The following TCHH variants were observed in gnomAD, a reference collection of about 807,000 sequenced individuals.
TCHH encodes trichohyalin.
A neutral mutation model predicts 6.3 loss-of-function variants in TCHH; 6 were observed. That is an observed-to-expected ratio of 0.95 (90% confidence interval 0.52 to 1.88). The LOEUF is 1.88. Ranked by LOEUF, TCHH falls within the 40% of genes most tolerant of loss-of-function variation. TCHH has a pLI of 0.01. For synonymous variants in TCHH, 1,087 were observed against 963.6 expected, an observed-to-expected ratio of 1.13 and a Z score of -2.37; for missense variants, 2,920 against 2,449.1, an observed-to-expected ratio of 1.19 and a Z score of -4.06.
Position 152,110,536 on chromosome 1 carries a change from G to A in TCHH, c.2681C>T (p.Ala894Val). 6.2e-7 allele frequency: 1 copy of A among 1,613,982 alleles called. No homozygotes were observed. The highest frequency in any genetic ancestry group is 8.5e-7 in the Non-Finnish European group (1 of 1,179,994). Residue 894 changes from alanine to valine, a missense_variant, in exon 3 of 3, where the codon GCC (alanine) becomes GTC (valine). Coordinates refer to ENST00000614923, the MANE Select transcript of TCHH (RefSeq NM_007113.4). Reference sequence around the variant, plus strand: ...TTCCTTCCTCAGCTGCTCTTGTAGGGCTGGCTTGGCGTACAGCGTGTGGCG... The same window carrying A: ...TTCCTTCCTCAGCTGCTCTTGTAGGACTGGCTTGGCGTACAGCGTGTGGCG... ...RRRHTLYAKP[A>V]LQEQLRKEQQ...
rs753219535 is a variant in TCHH, at chr1:152,110,045, G to C, written c.3172C>G (p.Gln1058Glu). 14 of 1,607,538 alleles carry C rather than the reference G, an allele frequency of 8.7e-6. No individual in the cohort carries two copies. The highest frequency in any genetic ancestry group is 1.2e-5 in the Non-Finnish European group (14 of 1,177,646). ...TCTCCCAGCAGCTGCTCTTCCTCCT[G>C]CTGCAGCTCCTCTTCCTCCCGATAT... is the stretch of plus-strand genomic sequence containing the variant. ...RQYREEEELQ[Q>E]EEEQLLGEER... The change falls in exon 3 of 3, where the codon CAG becomes GAG. Residue 1058 changes from glutamine to glutamate, a missense_variant. Gln to Glu is a conservative substitution (Grantham distance 29). Transcript: ENST00000614923.
chr1:152,113,238 T>C (rs986718913), intron 2 of TCHH, among the ~76,000 whole-genome samples, 160 bp from the exon 3 acceptor site: 2 of 152,206 alleles, frequency 1.3e-5, no homozygotes, highest in African/African-American at 4.8e-5. Flanking sequence ...CCATGTAAAA[T>C]GTGAACCCTC....
rs2101529184 is a variant in TCHH at position 152,110,582 on chromosome 1, C to T, written c.2635G>A (p.Glu879Lys). 6.2e-7 allele frequency: 1 copy of T among 1,614,106 alleles called. No homozygotes were observed. ...TGGCGGCGTCTCTTCCTTTCTTCTT[C>T]TAGTTGCCACCTCCATTTTTGGTCG... ...RRDQKWRWQL[E>K]EERKRRRHTL... The change falls in exon 3 of 3, where the codon GAA becomes AAA. Residue 879 changes from glutamate (E) to lysine (K), a missense_variant. Transcript: ENST00000614923.
chr1:152,111,213 G>C lies in TCHH; in HGVS notation c.2004C>G (p.Leu668=), dbSNP rs572360148. The C allele has an allele frequency of 6.2e-6, 10 of 1,605,824 alleles. No individual in the cohort carries two copies. In the Admixed American group the frequency reaches 6.8e-5, roughly 11 times the overall value. Reference sequence around the variant, plus strand: ...CATGCTCGCGCTTCAGCCGCTGCTCGAGCCTCTCTTCCTCCTCCTCGCGCT... The same window carrying C: ...CATGCTCGCGCTTCAGCCGCTGCTCCAGCCTCTCTTCCTCCTCCTCGCGCT... ...RLKREEEEER[L]EQRLKREHEE... The change falls in exon 3 of 3, where the codon CTC becomes CTG. Residue 668 remains leucine (L), a synonymous_variant. Coordinates refer to ENST00000614923, the MANE Select transcript of TCHH (RefSeq NM_007113.4).
Position 152,108,019 on chromosome 1 carries a change from T to C in TCHH, c.5198A>G (p.Gln1733Arg), listed in dbSNP as rs746689865. The C allele has an allele frequency of 6.2e-7, 1 of 1,612,572 alleles. No homozygotes were observed. The highest frequency in any genetic ancestry group is 8.5e-7 in the Non-Finnish European group (1 of 1,179,662). ...RKFREEEQLR[Q>R]ETEQEQLRRQ... Reference sequence around the variant, plus strand: ...GCGCAGCTGCTCTTGCTCCGTTTCTTGGCGCAGCTGTTCCTCCTCACGGAA... The same window carrying C: ...GCGCAGCTGCTCTTGCTCCGTTTCTCGGCGCAGCTGTTCCTCCTCACGGAA... The change falls in exon 3 of 3, where the codon CAA becomes CGA. Residue 1733 changes from glutamine to arginine, a missense_variant. Transcript: ENST00000614923.
rs1658173916 is a variant in TCHH at position 152,108,167 on chromosome 1, G to C, written c.5050C>G (p.Leu1684Val). ...QLLQEGEEQQ[L>V]RRQERDRKFR... The stretch of plus-strand genomic sequence containing the variant: ...TTTCTGTCACGCTCTTGGCGGCGCA[G>C]CTGCTGTTCCTCCCCTTCCTGGAGC... Residue 1684 changes from leucine to valine, a missense_variant, in exon 3 of 3, where the codon CTG becomes GTG. By Grantham distance (32) the Leu-to-Val change is conservative. Transcript: ENST00000614923. 3.1e-6 allele frequency: 5 copies of C among 1,613,478 alleles called. No homozygotes were observed. The East Asian group carries it at 1.1e-4, about 36-fold the overall frequency.
In TCHH at chr1:152,110,768, T is replaced by TCTC. The variant is rs769114949; in HGVS notation, c.2446_2448dup (p.Glu816dup). ...CGTCGCTGGCGGCGCCGCTGCTCCT[T>TCTC]CTCCTCCTCCTCCGGGAGAAACCGT... On this transcript the variant is annotated inframe_insertion, in exon 3 of 3. Transcript: ENST00000614923. 15 of 1,606,714 alleles carry TCTC rather than the reference T, an allele frequency of 9.3e-6. No individual in the cohort carries two copies. Among genetic ancestry groups the TCTC allele is most frequent in the Non-Finnish European group, 1.1e-5 (13 of 1,179,550 alleles).
chr1:152,108,603 C>CT lies in TCHH; in HGVS notation c.4613dup (p.Gln1539AlafsTer16). ...GCCCGCGCTCCTGGCGGCGCAGCTG[C>CT]TGTTCCTCCTGGAGGAATTTTCTCT... On this transcript the variant is annotated frameshift_variant, in exon 3 of 3. Transcript: ENST00000614923. LOFTEE classifies it low-confidence loss of function (END_TRUNC). 7.5e-6 allele frequency: 12 copies of CT among 1,600,842 alleles called. No individual in the cohort carries two copies. The highest frequency in any genetic ancestry group is 1.0e-5 in the Non-Finnish European group (12 of 1,174,870).
chr1:152,109,593 C>A lies in TCHH; in HGVS notation c.3624G>T (p.Gln1208His), dbSNP rs773691785. 1.2e-6 allele frequency: 2 copies of A among 1,614,226 alleles called. No individual in the cohort carries two copies. Among genetic ancestry groups the A allele is most frequent in the African/African-American group, 2.7e-5 (2 of 75,058 alleles). The change falls in exon 3 of 3, where the codon CAG becomes CAT. Residue 1208 changes from glutamine to histidine, a missense_variant. Transcript: ENST00000614923. ...QYREEEELQR[Q>H]KRKQRYRDED... Reference sequence around the variant, plus strand: ...CATCCCGGTATCGCTGCTTCCTTTTCTGGCGCTGAAGCTCTTCCTCCTCCC... The same window carrying A: ...CATCCCGGTATCGCTGCTTCCTTTTATGGCGCTGAAGCTCTTCCTCCTCCC...
rs1658122745 is a variant in TCHH at position 152,106,985 on chromosome 1, T to C, written c.*400A>G. The C allele has an allele frequency of 6.2e-6, 1 of 160,532 alleles. No individual in the cohort carries two copies. The highest frequency in any genetic ancestry group is 1.4e-5 in the Non-Finnish European group (1 of 73,730). 9.9% of individuals were successfully genotyped at this position (160,532 alleles called of 1,614,324 possible). ...TTGAACATTAAAAGTATCTGCACTT[T>C]CCACAAGATGGGTCAGTCATTAAAC... On this transcript the variant is annotated 3_prime_UTR_variant, in exon 3 of 3. Transcript: ENST00000614923.
Position 152,111,050 on chromosome 1 carries a change from GC to G in TCHH, c.2166del (p.Arg722SerfsTer77). On this transcript the variant is annotated frameshift_variant, in exon 3 of 3. Transcript: ENST00000614923. LOFTEE classifies it low-confidence loss of function (END_TRUNC). ...CGCCTCTGCCCTTCCTGCTTGCGGG[GC>G]CTCGAGTAGACTTTGCTTTGCCGTG... ...ADARQSKVYSRPRKQEGQRRR... is the reference protein window; with the variant it reads ...ADARQSKVYSXPRKQEGQRRR... The G allele has an allele frequency of 9.9e-6, 16 of 1,613,372 alleles. No homozygotes were observed. The highest frequency in any genetic ancestry group is 1.4e-5 in the Non-Finnish European group (16 of 1,179,984).
chr1:152,114,059 T>C lies in TCHH; in HGVS notation c.22A>G (p.Ile8Val). ...TTGAAAATTTCAGTGATGTCACAGA[T>C]GCTTCTCAGAAGTGGAGACATTTTT... MSPLLRS[I>V]CDITEIFNQY... The change falls in exon 2 of 3, where the codon ATC (isoleucine) becomes GTC (valine). Residue 8 changes from isoleucine (I) to valine (V), a missense_variant. Coordinates refer to ENST00000614923, the MANE Select transcript of TCHH (RefSeq NM_007113.4). The C allele has an allele frequency of 6.2e-7, 1 of 1,612,842 alleles. No individual in the cohort carries two copies. The highest frequency in any genetic ancestry group is 1.1e-5 in the South Asian group (1 of 90,660).
In TCHH at chr1:152,109,201, C is replaced by G; in HGVS notation, c.4016G>C (p.Arg1339Pro). 1.2e-6 allele frequency: 2 copies of G among 1,614,244 alleles called. No homozygotes were observed. The highest frequency in any genetic ancestry group is 1.7e-6 in the Non-Finnish European group (2 of 1,180,024). ...RRRQETDRKF[R>P]EEEQLLQERE... Reference sequence around the variant, plus strand: ...TTCCTGGAGCAGCTGTTCCTCCTCGCGGAATTTTCTGTCTGTCTCTTGACG... The same window carrying G: ...TTCCTGGAGCAGCTGTTCCTCCTCGGGGAATTTTCTGTCTGTCTCTTGACG... The change falls in exon 3 of 3, where the codon CGC (arginine) becomes CCC (proline). Residue 1339 changes from arginine to proline, a missense_variant. Coordinates refer to ENST00000614923, the MANE Select transcript of TCHH (RefSeq NM_007113.4).
chr1:152,112,442 T>G lies in TCHH; in HGVS notation c.775A>C (p.Lys259Gln). Residue 259 changes from lysine (K) to glutamine (Q), a missense_variant, in exon 3 of 3, where the codon AAG becomes CAG. By Grantham distance (53) the Lys-to-Gln change is moderately conservative. Coordinates refer to ENST00000614923, the MANE Select transcript of TCHH (RefSeq NM_007113.4). Reference sequence around the variant, plus strand: ...CGCTGCGGCTCCTCTTCCTGCAACTTCTCTTCTTCCTTCCGGAGCACTGTC... The same window carrying G: ...CGCTGCGGCTCCTCTTCCTGCAACTGCTCTTCTTCCTTCCGGAGCACTGTC... ...RETVLRKEEE[K>Q]LQEEEPQRQR... 2 of 1,613,434 alleles carry G rather than the reference T, an allele frequency of 1.2e-6. No individual in the cohort carries two copies. Among genetic ancestry groups the G allele is most frequent in the East Asian group, 4.5e-5 (2 of 44,818 alleles).
rs771658531 is a variant in TCHH, at chr1:152,111,389, GTC to G, written c.1826_1827del (p.Arg609ThrfsTer68). The G allele has an allele frequency of 1.3e-6, 2 of 1,599,652 alleles. No individual in the cohort carries two copies. The highest frequency in any genetic ancestry group is 8.5e-7 in the Non-Finnish European group (1 of 1,175,962). ...EQRLKREEVERLEQEERREQR... is the reference protein window; with the variant it reads ...EQRLKREEVEXLEQEERREQR... The stretch of plus-strand genomic sequence containing the variant: ...TGCTCGCGCCTCTCCTCCTGCTCGA[GTC>G]TCTCCACCTCCTCGCGCTTCAGTCG... On this transcript the variant is annotated frameshift_variant, in exon 3 of 3. Coordinates refer to ENST00000614923, the MANE Select transcript of TCHH (RefSeq NM_007113.4). LOFTEE classifies it low-confidence loss of function (END_TRUNC).
In TCHH at chr1:152,113,078, T is replaced by G; in HGVS notation, c.139A>C (p.Arg47=). 1 of 1,572,680 alleles carries G rather than the reference T, an allele frequency of 6.4e-7. No individual in the cohort carries two copies. The highest frequency in any genetic ancestry group is 1.7e-4 in the Middle Eastern group (1 of 5,836). The part of the protein sequence containing the change: ...LEREFGAVLR[R]PHDPKTVDLI... ...TCTACCGTCTTAGGGTCATGTGGTC[T>G]CTATAAAAATGGTGAAAACAAAAAT... The change falls in exon 3 of 3, where the codon AGA becomes CGA. Residue 47 remains arginine, a splice_region_variant and synonymous_variant. Transcript: ENST00000614923.
chr1:152,110,772 C>T lies in TCHH; in HGVS notation c.2445G>A (p.Glu815=), dbSNP rs1261015551. ...GCTGGCGGCGCCGCTGCTCCTTCTCCTCCTCCTCCGGGAGAAACCGTTGTT... is the reference window on the plus strand; with the variant it reads ...GCTGGCGGCGCCGCTGCTCCTTCTCTTCCTCCTCCGGGAGAAACCGTTGTT... ...QREQRFLPEE[E]EKEQRRRQRR... The change falls in exon 3 of 3, where the codon GAG becomes GAA. Residue 815 remains glutamate, a synonymous_variant. Transcript: ENST00000614923. The T allele has an allele frequency of 6.2e-7, 1 of 1,607,788 alleles. No homozygotes were observed. The highest frequency in any genetic ancestry group is 1.7e-5 in the Admixed American group (1 of 60,034).
At position 152,107,930 on chromosome 1, in the gene TCHH, G is replaced by T. The variant is rs372988346; in HGVS notation, c.5287C>A (p.Gln1763Lys). 1 of 1,614,058 alleles carries T rather than the reference G, an allele frequency of 6.2e-7. No individual in the cohort carries two copies. The highest frequency in any genetic ancestry group is 8.5e-7 in the Non-Finnish European group (1 of 1,179,998). Residue 1763 changes from glutamine (Q) to lysine (K), a missense_variant, in exon 3 of 3, where the codon CAG becomes AAG. Transcript: ENST00000614923. ...EQLRPEREEQ[Q>K]LRRQERDRKF... ...CTGTCGCGCTCCTGGCGGCGCAGCT[G>T]CTGTTCTTCCCTTTCCGGACGGAGC...
rs1014341651 is a variant in TCHH, at chr1:152,112,810, C to T, written c.407G>A (p.Arg136Gln). The change falls in exon 3 of 3, where the codon CGA (arginine) becomes CAA (glutamine). Residue 136 changes from arginine to glutamine, a missense_variant. Transcript: ENST00000614923. ...CTGTTCCTGCCTCTTCTGCCTGCGT[C>T]GTTGCCCAGGTTCTTCTTCCAGTTG... ...DRQLEEEPGQ[R>Q]RRQKRQEQER... 6.2e-7 allele frequency: 1 copy of T among 1,614,004 alleles called. No individual in the cohort carries two copies. Among genetic ancestry groups the T allele is most frequent in the Non-Finnish European group, 8.5e-7 (1 of 1,180,008 alleles).
Sources: allele counts gnomAD v4.1 joint callset (sites outside exome capture counted in the v4.1 genomes callset), GRCh38; gene constraint gnomAD v4.1.1; transcripts MANE v1.5; gene names NCBI Gene and HGNC (gene_info 2026-07-23, HGNC 2026-07-21).